Variants in SLC13A2 observed in about 807,000 individuals in gnomAD.
SLC13A2 encodes the protein solute carrier family 13 member 2, also known as Na(+)-coupled citrate transporter.
A neutral mutation model predicts 58.5 loss-of-function variants in SLC13A2; 40 were observed. That is an observed-to-expected ratio of 0.68 (90% CI 0.53 to 0.89). The LOEUF is 0.89. Ranked by LOEUF, SLC13A2 falls within the 40% of genes least tolerant of loss-of-function variation. The pLI, the probability that SLC13A2 is intolerant of heterozygous loss-of-function variation, is 0.00. For synonymous variants in SLC13A2, 341 were observed against 331.6 expected (o/e 1.03, Z -0.31); for missense variants, 694 against 772.6 (o/e 0.90, Z 1.21).
chr17:28,491,865 G>C lies in SLC13A2; in HGVS notation c.878+13G>C, dbSNP rs781817670. ...TCCTGGGCTTCAAGTAAGTGGCAAAGTTGGTGAGAGAAGCCCAGGTCCCTG... is the reference window on the plus strand; with the variant it reads ...TCCTGGGCTTCAAGTAAGTGGCAAACTTGGTGAGAGAAGCCCAGGTCCCTG... On this transcript the variant is annotated intron_variant, in intron 6 of 11. Transcript: ENST00000314669. 6.2e-7 allele frequency: 1 copy of C among 1,613,544 alleles called. No individual in the cohort carries two copies. Among genetic ancestry groups the C allele is most frequent in the South Asian group, 1.1e-5 (1 of 91,064 alleles).
chr17:28,497,417 G>C lies in SLC13A2; in HGVS notation c.*148G>C, dbSNP rs1597514918. The C allele has an allele frequency of 7.1e-6, 6 of 845,074 alleles. No homozygotes were observed. The East Asian group carries it at 1.6e-4, about 22-fold the overall frequency. The allele number at this position is 845,074 out of a possible 1,614,324, so 52.3% of individuals were successfully genotyped here. A position where few individuals can be genotyped will look rare whatever the true frequency, so the allele number is the denominator to read the frequency against. ...ACATAATCTCTTGCGTGTCTGTAAG[G>C]AAGGGGTGTATGCTCAGTTTCCTAT... On this transcript the variant is annotated 3_prime_UTR_variant, in exon 12 of 12. Transcript: ENST00000314669.
intron 1 of SLC13A2, among the ~76,000 whole-genome samples, chr17:28,482,712 C>G (rs2068806009): frequency 6.6e-6 from 1 of 152,216 alleles, no homozygotes; most frequent in Non-Finnish European, 1.5e-5. Context: ...AAGAATGCAT[C>G]TTGATCTTTT....
chr17:28,483,541 G>A (rs923465775), intron 1 of SLC13A2, among the ~76,000 whole-genome samples: 1 of 152,198 alleles, frequency 6.6e-6, no homozygotes, highest in Non-Finnish European at 1.5e-5. Context: ...GGAGGCTGAG[G>A]CAGGAGGATT....
intron 1 of SLC13A2, among the ~76,000 whole-genome samples, chr17:28,485,328 G>A (rs2068858769): frequency 6.6e-6 from 1 of 152,212 alleles, no homozygotes; most frequent in South Asian, 2.1e-4. Context: ...CCAGTGGCCA[G>A]CGTGTAAACC....
chr17:28,491,000 C>A, intron 4 of SLC13A2, 94 bp downstream of exon 4: 1 of 1,217,560 alleles, frequency 8.2e-7, no homozygotes, highest in South Asian at 1.6e-5. Flanking sequence ...ATCTTGGAGC[C>A]TTTGGGGAGA....
At position 28,493,776 on chromosome 17, in the gene SLC13A2, G is replaced by A; in HGVS notation, c.1084G>A (p.Ala362Thr). The part of the protein sequence containing the change: ...LGWGNLAFPN[A>T]KGESMVSDGT... ...CTGGGGCAATTTGGCTTTTCCCAAT[G>A]CCAAGGGGGAGAGGTGAGAGTTGCA... The change falls in exon 7 of 12, where the codon GCC becomes ACC. Residue 362 changes from alanine to threonine, a missense_variant. Coordinates refer to ENST00000314669, the MANE Select transcript of SLC13A2 (RefSeq NM_003984.4). 1.2e-6 allele frequency: 2 copies of A among 1,614,202 alleles called. No homozygotes were observed. Among genetic ancestry groups the A allele is most frequent in the Non-Finnish European group, 1.7e-6 (2 of 1,180,050 alleles).
At position 28,489,300 on chromosome 17, in the gene SLC13A2, C is replaced by G; in HGVS notation, c.189C>G (p.Pro63=). 1 of 1,614,112 alleles carries G rather than the reference C, an allele frequency of 6.2e-7. No homozygotes were observed. The highest frequency in any genetic ancestry group is 8.5e-7 in the Non-Finnish European group (1 of 1,180,026). Residue 63 remains proline (P), a synonymous_variant, in exon 2 of 12, where the codon CCC becomes CCG. Coordinates refer to ENST00000314669, the MANE Select transcript of SLC13A2 (RefSeq NM_003984.4). ...CCCTGGCCGTCACTGCCCTCTTCCC[C>G]TTAATCCTGTTCCCTATGATGGGCA... The part of the protein sequence containing the change: ...ALPLAVTALF[P]LILFPMMGIV...
At chr17:28,478,395 G>A (rs1555600467) in intron 1 of SLC13A2, among the ~76,000 whole-genome samples, 3 of 152,254 alleles carry the variant, frequency 2.0e-5, no homozygotes, top group Admixed American at 1.3e-4. Flanking sequence ...TTCTCAAGTT[G>A]CTTATAGTCT....
chr17:28,477,618 A>G (rs186863363), intron 1 of SLC13A2, among the ~76,000 whole-genome samples: 12 of 152,322 alleles, frequency 7.9e-5, no homozygotes, highest in Non-Finnish European at 1.5e-4. Context: ...CTGGCCTCCA[A>G]AGGGGGAAGA....
intron 6 of SLC13A2, among the ~76,000 whole-genome samples, chr17:28,492,706 G>A (rs551884444): frequency 6.6e-6 from 1 of 152,218 alleles, no homozygotes; most frequent in South Asian, 2.1e-4. Context: ...ACTGTTTGGA[G>A]CTCTGAGTTG....
At chr17:28,475,733 G>A (rs573890011) in intron 1 of SLC13A2, among the ~76,000 whole-genome samples, 6 of 152,228 alleles carry the variant, frequency 3.9e-5, no homozygotes, top group African/African-American at 7.2e-5. Flanking sequence ...CGTCTTTGCC[G>A]TGCTGTCTTC....
rs548204979 is a variant in SLC13A2 at position 28,491,338 on chromosome 17, G to A, written c.575-99G>A. On this transcript the variant is annotated intron_variant, in intron 4 of 11. Coordinates refer to ENST00000314669, the MANE Select transcript of SLC13A2 (RefSeq NM_003984.4). Reference sequence around the variant, plus strand: ...CCTCCTTCCAGCCCCGGTCTGGGCTGTTCACAGACAAGGTACCCTGGAGGG... The same window carrying A: ...CCTCCTTCCAGCCCCGGTCTGGGCTATTCACAGACAAGGTACCCTGGAGGG... 2.1e-3 allele frequency: 2,862 copies of A among 1,351,386 alleles called. 4 individuals carry two copies. Among genetic ancestry groups the A allele is most frequent in the Non-Finnish European group, 2.6e-3 (2,521 of 972,444 alleles). 83.7% of individuals were successfully genotyped at this position (1,351,386 alleles called of 1,614,324 possible).
At chr17:28,493,955 C>A in intron 7 of SLC13A2, 62 bp from the exon 8 acceptor site, 1 of 1,535,464 alleles carries the variant, frequency 6.5e-7, no homozygotes, top group Non-Finnish European at 9.0e-7. Context: ...ACCCTCCACC[C>A]TGTGGCCCTG....
intron 2 of SLC13A2, chr17:28,490,234 A>T (rs2068976706): frequency 7.2e-7 from 1 of 1,394,366 alleles, no homozygotes; most frequent in Non-Finnish European, 9.6e-7. Context: ...TGATTGTGCC[A>T]CTGCATTCCA....
intron 1 of SLC13A2, among the ~76,000 whole-genome samples, chr17:28,488,952 T>A (rs1597882422): frequency 6.6e-6 from 1 of 152,206 alleles, no homozygotes; most frequent in Non-Finnish European, 1.5e-5. Flanking sequence ...TGGGGACTGG[T>A]AACCAACTCC....
Position 28,473,898 on chromosome 17 carries a change from C to A in SLC13A2, c.102+84C>A, listed in dbSNP as rs1176782560. The A allele has an allele frequency of 4.4e-6, 5 of 1,138,994 alleles. No individual in the cohort carries two copies. The African/African-American group carries it at 7.7e-5, about 17-fold the overall frequency. 70.6% of individuals were successfully genotyped at this position (1,138,994 alleles called of 1,614,324 possible). ...GGCCGGGGTTGGGCATCCTTAGGAT[C>A]CAGCATAACTTCCTCACTGCCCCTG... On this transcript the variant is annotated intron_variant, in intron 1 of 11. Transcript: ENST00000314669.
At chr17:28,484,361 G>A (rs1407642279) in intron 1 of SLC13A2, among the ~76,000 whole-genome samples, 6 of 152,202 alleles carry the variant, frequency 3.9e-5, no homozygotes, top group Admixed American at 3.9e-4. Context: ...GCAAAGTAGG[G>A]AGGGAAGAGA....
Position 28,489,315 on chromosome 17 carries a change from T to C in SLC13A2, c.204T>C (p.Pro68=). The C allele has an allele frequency of 6.2e-7, 1 of 1,613,480 alleles. No individual in the cohort carries two copies. The highest frequency in any genetic ancestry group is 8.5e-7 in the Non-Finnish European group (1 of 1,179,938). The change falls in exon 2 of 12, where the codon CCT becomes CCC. Residue 68 remains proline, a synonymous_variant. Coordinates refer to ENST00000314669, the MANE Select transcript of SLC13A2 (RefSeq NM_003984.4). ...CCCTCTTCCCCTTAATCCTGTTCCC[T>C]ATGATGGGCATCGTGGATGCCTCTG... ...VTALFPLILF[P]MMGIVDASEV... is the part of the protein sequence containing the mutation.
intron 7 of SLC13A2, 75 bp from the exon 8 acceptor site, chr17:28,493,942 A>G: frequency 1.3e-6 from 2 of 1,501,564 alleles, no homozygotes; most frequent in Non-Finnish European, 1.8e-6. Flanking sequence ...GCTCATCTCC[A>G]CCACCCTCCA....
Sources: allele counts gnomAD v4.1 joint callset (sites outside exome capture counted in the v4.1 genomes callset), GRCh38; gene constraint gnomAD v4.1.1; transcripts MANE v1.5; gene names NCBI Gene and HGNC (gene_info 2026-07-23, HGNC 2026-07-21).